CIMAP3: variants seen among roughly 807,000 people sequenced by gnomAD.
The protein encoded by CIMAP3 is ciliary microtubule-associated protein 3.
chr1:111,346,612 T>C, the CIMAP3 span: 3 of 1,613,546 alleles, frequency 1.9e-6, no homozygotes, highest in South Asian at 3.3e-5. Context: ...CTTCGTTTCC[T>C]TGGCAACGCA....
the CIMAP3 span, among the ~76,000 whole-genome samples, chr1:111,327,572 T>G: frequency 6.6e-6 from 1 of 152,200 alleles, no homozygotes; most frequent in Non-Finnish European, 1.5e-5. Context: ...AATTTCTTCC[T>G]GGCTCAGTCT....
At chr1:111,335,248 G>T in the CIMAP3 span, among the ~76,000 whole-genome samples, 1 of 152,132 alleles carries the variant, frequency 6.6e-6, no homozygotes, top group Middle Eastern at 3.4e-3. Context: ...AACAGCTCCG[G>T]TCTACAGCTC....
At chr1:111,330,550 T>C in the CIMAP3 span, among the ~76,000 whole-genome samples, 105,829 of 151,450 alleles carry the variant, frequency 0.7, 37,345 homozygotes, top group South Asian at 0.79. Flanking sequence ...TTATGCAGCT[T>C]CCTATGTTTC....
At chr1:111,348,192 A>G in the CIMAP3 span, 1 of 250,816 alleles carries the variant, frequency 4.0e-6, no homozygotes, top group Non-Finnish European at 7.7e-6. Context: ...TTTTCCTGAC[A>G]CTTGAGCTTA....
the CIMAP3 span, among the ~76,000 whole-genome samples, chr1:111,328,279 ATTT>A: frequency 3.3e-5 from 5 of 152,092 alleles, no homozygotes; most frequent in Admixed American, 6.5e-5. Context: ...TATGTGGTCG[ATTT>A]TAGAGTATGT....
chr1:111,347,009 G>C, the CIMAP3 span: 1 of 1,613,996 alleles, frequency 6.2e-7, no homozygotes, highest in Non-Finnish European at 8.5e-7. Flanking sequence ...GTCCCTCTTA[G>C]GGGATCACCC....
the CIMAP3 span, chr1:111,346,555 C>G: frequency 6.3e-7 from 1 of 1,589,362 alleles, no homozygotes; most frequent in Non-Finnish European, 8.6e-7. Flanking sequence ...CGCGCTCGGG[C>G]CCTCTCCCCC....
the CIMAP3 span, chr1:111,346,788 G>GT: frequency 1.3e-6 from 2 of 1,571,674 alleles, no homozygotes; most frequent in African/African-American, 2.7e-5. Context: ...GTTTGGCGTG[G>GT]TTTTGTAAGC....
chr1:111,337,295 T>C, the CIMAP3 span, among the ~76,000 whole-genome samples: 1,158 of 152,158 alleles, frequency 7.6e-3, 15 homozygotes, highest in African/African-American at 0.026. Flanking sequence ...TCAACTAACG[T>C]GCAAAATAGC....
chr1:111,329,444 A>G, the CIMAP3 span, among the ~76,000 whole-genome samples: 1 of 146,224 alleles, frequency 6.8e-6, no homozygotes, highest in Non-Finnish European at 1.5e-5. Context: ...CATGTTTTCC[A>G]AGTTGTTTGC....
the CIMAP3 span, chr1:111,346,793 G>A: frequency 6.4e-7 from 1 of 1,573,226 alleles, no homozygotes; most frequent in South Asian, 1.1e-5. Flanking sequence ...GCGTGGTTTT[G>A]TAAGCGCACG....
chr1:111,346,816 C>A, the CIMAP3 span: 1 of 1,577,804 alleles, frequency 6.3e-7, no homozygotes, highest in Non-Finnish European at 8.7e-7. Context: ...TGGGCCCTGT[C>A]CTCTGCTCAG....
the CIMAP3 span, among the ~76,000 whole-genome samples, chr1:111,337,568 C>T: frequency 5.1e-3 from 780 of 151,472 alleles, 8 homozygotes; most frequent in African/African-American, 0.018. Flanking sequence ...ATAAAACAGA[C>T]TTTAAACCAA....
At chr1:111,347,148 G>C in the CIMAP3 span, 1 of 1,320,606 alleles carries the variant, frequency 7.6e-7, no homozygotes. Flanking sequence ...TGTGGGACTT[G>C]AGATCTCCAG....
the CIMAP3 span, among the ~76,000 whole-genome samples, chr1:111,335,615 A>C: frequency 6.6e-6 from 1 of 152,236 alleles, no homozygotes; most frequent in Non-Finnish European, 1.5e-5. Flanking sequence ...GCAGTCTGAC[A>C]TCAAACTGCA....
At chr1:111,348,693 A>T in the CIMAP3 span, 2 of 1,512,622 alleles carry the variant, frequency 1.3e-6, no homozygotes, top group South Asian at 1.3e-5. Context: ...AAGCAATAGG[A>T]GGAAAAGAAG....
At chr1:111,329,825 A>G in the CIMAP3 span, among the ~76,000 whole-genome samples, 1 of 152,056 alleles carries the variant, frequency 6.6e-6, no homozygotes, top group African/African-American at 2.4e-5. Flanking sequence ...AAGTGCTGAG[A>G]TTACAGGTGT....
chr1:111,345,049 C>T, the CIMAP3 span, among the ~76,000 whole-genome samples: 1 of 152,144 alleles, frequency 6.6e-6, no homozygotes, highest in Non-Finnish European at 1.5e-5. Flanking sequence ...GAGTAAGAGG[C>T]CATACTATAA....
the CIMAP3 span, among the ~76,000 whole-genome samples, chr1:111,330,979 T>G: frequency 6.6e-6 from 1 of 152,182 alleles, no homozygotes; most frequent in East Asian, 1.9e-4. Flanking sequence ...GACTGGCAAT[T>G]TTTTCTATTC....
Sources: gnomAD v4.1 joint callset for allele counts (sites outside exome capture counted in the v4.1 genomes callset) on GRCh38, gnomAD v4.1.1 for gene constraint, MANE v1.5 for transcripts, NCBI Gene and HGNC (gene_info 2026-07-23, HGNC 2026-07-21) for gene names.